The following PSMA5 variants were observed in gnomAD, a reference collection of about 807,000 sequenced individuals.
PSMA5 encodes the protein proteasome 20S subunit alpha 5.
A neutral mutation model predicts 34.5 loss-of-function variants in PSMA5; 3 were observed. That is an observed-to-expected ratio of 0.09 (90% CI 0.04 to 0.22). The LOEUF (loss-of-function observed/expected upper bound fraction) is 0.22. PSMA5 is among the 10% of genes least tolerant of loss of function. PSMA5 has a pLI of 1.00. For missense variants in PSMA5, 120 were observed against 286.1 expected (o/e 0.42, Z 4.19); for synonymous variants, 88 against 95.8 (o/e 0.92, Z 0.47).
At chr1:109,409,572 C>T (rs1043927351) in intron 8 of PSMA5, among the ~76,000 whole-genome samples, 1 of 152,176 alleles carries the variant, frequency 6.6e-6, no homozygotes, top group African/African-American at 2.4e-5. Flanking sequence ...ATGTCATTTC[C>T]ATGATCTATG....
intron 8 of PSMA5, among the ~76,000 whole-genome samples, chr1:109,403,297 T>G (rs1335394533): frequency 6.6e-6 from 1 of 152,140 alleles, no homozygotes; most frequent in Non-Finnish European, 1.5e-5. Flanking sequence ...TACATGTCAT[T>G]TCCTCATAGT....
chr1:109,426,010 G>C, intron 1 of PSMA5: 1 of 554,530 alleles, frequency 1.8e-6, no homozygotes, highest in South Asian at 2.3e-5. Flanking sequence ...CCTTCTCCGG[G>C]TTCAAGGTAG....
In PSMA5 at chr1:109,399,419, C is replaced by T. The variant is rs1653405872; in HGVS notation, c.*2594G>A. The T allele has an allele frequency of 6.7e-6, 1 of 150,280 alleles. No homozygotes were observed. Among genetic ancestry groups the T allele is most frequent in the African/African-American group, 2.5e-5 (1 of 40,620 alleles). The allele number at this position is 150,280 out of a possible 1,614,324, so 9.3% of individuals were successfully genotyped here. A position where few individuals can be genotyped will look rare whatever the true frequency, so the allele number is the denominator to read the frequency against. ...CCAACTATGGGAGTAGATCACAAGA[C>T]AGTCAGTTCCAGTAGCATGTGATTA... On this transcript the variant is annotated 3_prime_UTR_variant, in exon 9 of 9. Transcript: ENST00000271308.
At chr1:109,424,234 T>C (rs1654559833) in intron 1 of PSMA5, among the ~76,000 whole-genome samples, 2 of 152,222 alleles carry the variant, frequency 1.3e-5, no homozygotes, top group African/African-American at 4.8e-5. Context: ...TGGTATTGAT[T>C]TGAATTTCTC....
intron 2 of PSMA5, among the ~76,000 whole-genome samples, chr1:109,416,908 C>G (rs185165265): frequency 3.9e-5 from 6 of 152,246 alleles, no homozygotes; most frequent in African/African-American, 1.2e-4. Flanking sequence ...AGTTCAAGAC[C>G]AGCCTGGGCA....
chr1:109,415,481 G>C, intron 2 of PSMA5, 118 bp from the exon 3 acceptor site: 1 of 1,091,324 alleles, frequency 9.2e-7, no homozygotes, highest in Non-Finnish European at 1.2e-6. Flanking sequence ...ACATCTTATA[G>C]GCAGAGAGAA....
intron 7 of PSMA5, 109 bp downstream of exon 7, chr1:109,410,902 G>A: frequency 1.3e-6 from 1 of 782,696 alleles, no homozygotes; most frequent in Admixed American, 2.5e-5. Flanking sequence ...TATTTATCTT[G>A]TTTTGCAATT....
chr1:109,412,238 C>T (rs1654019494), intron 4 of PSMA5, 54 bp from the exon 5 acceptor site: 2 of 1,422,244 alleles, frequency 1.4e-6, no homozygotes, highest in Non-Finnish European at 2.0e-6. Context: ...TTAAAGCAGC[C>T]CACCATCTCA....
At chr1:109,402,995 G>GC (rs1227935896) in intron 8 of PSMA5, among the ~76,000 whole-genome samples, 1 of 152,162 alleles carries the variant, frequency 6.6e-6, no homozygotes, top group Non-Finnish European at 1.5e-5. Flanking sequence ...GTGAGCTACT[G>GC]CACCTGGCCT....
At chr1:109,423,504 C>T (rs557597388) in intron 1 of PSMA5, among the ~76,000 whole-genome samples, 1 of 152,346 alleles carries the variant, frequency 6.6e-6, no homozygotes, top group South Asian at 2.1e-4. Flanking sequence ...AACATTTCCA[C>T]TTGCATATCC....
chr1:109,426,224 G>C, intron 1 of PSMA5, 78 bp downstream of exon 1: 1 of 1,578,096 alleles, frequency 6.3e-7, no homozygotes, highest in South Asian at 1.1e-5. Flanking sequence ...CCATGACACG[G>C]CAGAACCCAG....
At chr1:109,422,633 C>T (rs1654489530) in intron 1 of PSMA5, among the ~76,000 whole-genome samples, 1 of 152,046 alleles carries the variant, frequency 6.6e-6, no homozygotes, top group African/African-American at 2.4e-5. Flanking sequence ...CCACCACGCC[C>T]GGCTAATTTT....
intron 2 of PSMA5, among the ~76,000 whole-genome samples, chr1:109,420,301 T>A (rs1654389223): frequency 6.6e-6 from 1 of 152,020 alleles, no homozygotes; most frequent in Non-Finnish European, 1.5e-5. Context: ...TTGTGTGTGG[T>A]GGGGAGTAGG....
chr1:109,424,076 T>C (rs1033517216), intron 1 of PSMA5, among the ~76,000 whole-genome samples: 1 of 152,204 alleles, frequency 6.6e-6, no homozygotes, highest in African/African-American at 2.4e-5. Context: ...CTCCTTCATT[T>C]ATCCCATATT....
At chr1:109,419,331 A>C (rs908592867) in intron 2 of PSMA5, among the ~76,000 whole-genome samples, 1 of 152,180 alleles carries the variant, frequency 6.6e-6, no homozygotes, top group East Asian at 1.9e-4. Context: ...CCCAGAGAAC[A>C]ACCAGTCCAG....
intron 4 of PSMA5, 56 bp downstream of exon 4, chr1:109,413,012 A>G: frequency 6.9e-7 from 1 of 1,443,278 alleles, no homozygotes; most frequent in Non-Finnish European, 9.8e-7. Flanking sequence ...CAGCTAGATA[A>G]TCACTAAACA....
In PSMA5 at chr1:109,401,905, A is replaced by T; in HGVS notation, c.*108T>A. 1 of 836,194 alleles carries T rather than the reference A, an allele frequency of 1.2e-6. No individual in the cohort carries two copies. The highest frequency in any genetic ancestry group is 1.9e-6 in the Non-Finnish European group (1 of 534,764). The allele number at this position is 836,194 out of a possible 1,614,324, so 51.8% of individuals were successfully genotyped here. Reference sequence around the variant, plus strand: ...CCTTTATGTACAGACATCATTTAAAAAATGCACATACAATGGAGATTTTCC... The same window carrying T: ...CCTTTATGTACAGACATCATTTAAATAATGCACATACAATGGAGATTTTCC... On this transcript the variant is annotated 3_prime_UTR_variant, in exon 9 of 9. Coordinates refer to ENST00000271308, the MANE Select transcript of PSMA5 (RefSeq NM_002790.4).
intron 8 of PSMA5, among the ~76,000 whole-genome samples, chr1:109,406,524 C>A (rs1239075317): frequency 1.3e-5 from 2 of 151,966 alleles, no homozygotes; most frequent in Non-Finnish European, 2.9e-5. Context: ...ACAGCAAGAC[C>A]CCATCTCTAA....
At chr1:109,415,146 C>A (rs541537953) in intron 3 of PSMA5, 91 bp downstream of exon 3, 9 of 1,410,528 alleles carry the variant, frequency 6.4e-6, no homozygotes, top group Non-Finnish European at 8.6e-6. Flanking sequence ...AAGGGGATAA[C>A]GTGTTCATTT....
Sources: allele counts gnomAD v4.1 joint callset (sites outside exome capture counted in the v4.1 genomes callset), GRCh38; gene constraint gnomAD v4.1.1; transcripts MANE v1.5; gene names NCBI Gene and HGNC (gene_info 2026-07-23, HGNC 2026-07-21).